MTMR2: variants seen among roughly 807,000 people sequenced by gnomAD.
MTMR2 encodes phosphatidylinositol-3,5-bisphosphate 3-phosphatase MTMR2.
MTMR2 carries 55 observed loss-of-function variants against 86.9 expected under a neutral mutation model. That is an observed-to-expected ratio of 0.63 (90% confidence interval 0.51 to 0.79). The LOEUF (loss-of-function observed/expected upper bound fraction) is 0.79. MTMR2 is among the 30% of genes least tolerant of loss of function. The pLI is 0.00. For synonymous variants in MTMR2, 241 were observed against 266.8 expected (o/e 0.90, Z 0.94); for missense variants, 659 against 772.3 (o/e 0.85, Z 1.74).
rs558940281 is a variant in MTMR2, at chr11:95,835,886, C to A, written c.1770+262G>T. On this transcript the variant is annotated intron_variant, in intron 14 of 14. Coordinates refer to ENST00000346299, the MANE Select transcript of MTMR2 (RefSeq NM_016156.6). ...TTCTTCAGCTTATTAAAACAAGACC[C>A]CCTAGAGGTTATCCAGACAGAGGAG... 3.3e-5 allele frequency among the ~76,000 whole-genome samples: 5 copies of A among 152,036 alleles called. No homozygotes were observed. In the South Asian group the frequency reaches 8.3e-4, roughly 25 times the overall value.
intron 9 of MTMR2, among the ~76,000 whole-genome samples, chr11:95,849,203 A>C (rs1478143370): frequency 6.6e-6 from 1 of 152,120 alleles, no homozygotes. Flanking sequence ...GCTACAGCTA[A>C]CTGCCAATTC....
intron 2 of MTMR2, among the ~76,000 whole-genome samples, chr11:95,872,228 C>T (rs1435053460): frequency 6.6e-6 from 1 of 151,990 alleles, no homozygotes; most frequent in African/African-American, 2.4e-5. Context: ...GCCATTTTCA[C>T]GATATTGATT....
intron 1 of MTMR2, among the ~76,000 whole-genome samples, chr11:95,905,920 C>T (rs539057662): frequency 1.2e-4 from 18 of 152,154 alleles, no homozygotes; most frequent in Non-Finnish European, 2.2e-4. Flanking sequence ...GGTTTGCTAT[C>T]CTAATTTCAG....
chr11:95,847,246 T>C (rs1466635536), intron 10 of MTMR2, among the ~76,000 whole-genome samples: 1 of 152,164 alleles, frequency 6.6e-6, no homozygotes. Context: ...ACACGGATAG[T>C]GCTGCCCTAG....
At chr11:95,907,631 C>T (rs371025330) in intron 1 of MTMR2, among the ~76,000 whole-genome samples, 5 of 152,178 alleles carry the variant, frequency 3.3e-5, no homozygotes, top group African/African-American at 1.2e-4. Flanking sequence ...AGTAGCAAAT[C>T]GAATCAAGCA....
chr11:95,871,708 TC>T lies in MTMR2; in HGVS notation c.187-6033del, dbSNP rs1189151189. Among the ~76,000 whole-genome samples the T allele has an allele frequency of 2.0e-5, 3 of 152,352 alleles. No homozygotes were observed. In the East Asian group the frequency reaches 5.8e-4, roughly 29 times the overall value. On this transcript the variant is annotated intron_variant, in intron 2 of 14. Coordinates refer to ENST00000346299, the MANE Select transcript of MTMR2 (RefSeq NM_016156.6). Reference sequence around the variant, plus strand: ...TTGCCTGTTCACTCTGATGGTAGTTTCTTTTGCTGTGCAGAAGCTCTTTAGT... The same window carrying T: ...TTGCCTGTTCACTCTGATGGTAGTTTTTTTGCTGTGCAGAAGCTCTTTAGT...
rs1247134850 is a variant in MTMR2, at chr11:95,895,795, A to T, written c.81-7534T>A. 9.2e-5 allele frequency among the ~76,000 whole-genome samples: 14 copies of T among 152,128 alleles called. 1 individual carries two copies. The highest frequency in any genetic ancestry group is 9.2e-4 in the Admixed American group (14 of 15,250). On this transcript the variant is annotated intron_variant, in intron 1 of 14. Coordinates refer to ENST00000346299, the MANE Select transcript of MTMR2 (RefSeq NM_016156.6). ...TGAAAATATTTTTCCACACACAAAA[A>T]AACCCACGATTATTTACCAGAGAAA... is the stretch of plus-strand genomic sequence containing the variant.
At chr11:95,854,190 A>G (rs1864126279) in intron 7 of MTMR2, among the ~76,000 whole-genome samples, 1 of 152,164 alleles carries the variant, frequency 6.6e-6, no homozygotes. Flanking sequence ...TAGCCCTCAG[A>G]CACTCTCTTT....
At chr11:95,895,843 C>A (rs1297927521) in intron 1 of MTMR2, among the ~76,000 whole-genome samples, 2 of 152,072 alleles carry the variant, frequency 1.3e-5, no homozygotes, top group Non-Finnish European at 2.9e-5. Context: ...ATTAAAAACA[C>A]ATGAATGTAC....
rs138898781 is a variant in MTMR2, at chr11:95,868,875, A to G, written c.187-3199T>C. 2.9e-3 allele frequency among the ~76,000 whole-genome samples: 435 copies of G among 152,178 alleles called. 6 individuals carry two copies. The East Asian group carries it at 0.033, about 12-fold the overall frequency. Reference sequence around the variant, plus strand: ...AAGCTGTGAAGGAAAATGCTCCCAAAAAGTATTTAATGGCAGCAGGAAGTC... The same window carrying G: ...AAGCTGTGAAGGAAAATGCTCCCAAGAAGTATTTAATGGCAGCAGGAAGTC... On this transcript the variant is annotated intron_variant, in intron 2 of 14. Coordinates refer to ENST00000346299, the MANE Select transcript of MTMR2 (RefSeq NM_016156.6).
chr11:95,918,898 A>T (rs917911505), intron 1 of MTMR2, among the ~76,000 whole-genome samples: 12 of 152,170 alleles, frequency 7.9e-5, no homozygotes, highest in Admixed American at 2.0e-4. Flanking sequence ...ATACAGTGGC[A>T]CTATCACAAC....
At chr11:95,888,065 G>C in intron 2 of MTMR2, 91 bp downstream of exon 2, 1 of 947,062 alleles carries the variant, frequency 1.1e-6, no homozygotes, top group Non-Finnish European at 1.7e-6. Context: ...TACTCCATCA[G>C]TATCTCCTGC....
At chr11:95,867,609 C>T (rs1412916061) in intron 2 of MTMR2, among the ~76,000 whole-genome samples, 4 of 152,116 alleles carry the variant, frequency 2.6e-5, no homozygotes, top group Non-Finnish European at 4.4e-5. Context: ...CTCTAGATGA[C>T]AGACTTTTAA....
intron 2 of MTMR2, among the ~76,000 whole-genome samples, chr11:95,869,730 G>A (rs1448022344): frequency 3.9e-5 from 6 of 152,268 alleles, no homozygotes; most frequent in African/African-American, 1.4e-4. Flanking sequence ...AAAGGAGATG[G>A]CTTGAGAAAT....
intron 1 of MTMR2, among the ~76,000 whole-genome samples, chr11:95,899,825 A>C (rs1280604945): frequency 6.6e-6 from 1 of 152,124 alleles, no homozygotes; most frequent in African/African-American, 2.4e-5. Context: ...GGGGAAACCT[A>C]TGTAACTGGG....
chr11:95,916,162 G>A (rs1432541783), intron 1 of MTMR2, among the ~76,000 whole-genome samples: 1 of 152,064 alleles, frequency 6.6e-6, no homozygotes, highest in Non-Finnish European at 1.5e-5. Context: ...GGTGGAAAAT[G>A]TCTTTCTTTT....
intron 2 of MTMR2, among the ~76,000 whole-genome samples, chr11:95,866,748 G>C (rs1017526119): frequency 6.7e-6 from 1 of 148,924 alleles, no homozygotes; most frequent in Non-Finnish European, 1.5e-5. Flanking sequence ...GGAAAGAAGA[G>C]AGGAAAGGAG....
At chr11:95,901,710 C>T (rs1007585517) in intron 1 of MTMR2, among the ~76,000 whole-genome samples, 1 of 152,060 alleles carries the variant, frequency 6.6e-6, no homozygotes, top group African/African-American at 2.4e-5. Flanking sequence ...AACTGGGGAG[C>T]TATAACACAA....
intron 1 of MTMR2, among the ~76,000 whole-genome samples, chr11:95,912,343 A>G (rs1866541347): frequency 6.6e-6 from 1 of 152,006 alleles, no homozygotes; most frequent in Non-Finnish European, 1.5e-5. Flanking sequence ...TTATAAGTAC[A>G]ATCTTGTTTC....
Sources: gnomAD v4.1 joint callset for allele counts (sites outside exome capture counted in the v4.1 genomes callset) on GRCh38, gnomAD v4.1.1 for gene constraint, MANE v1.5 for transcripts, NCBI Gene and HGNC (gene_info 2026-07-23, HGNC 2026-07-21) for gene names.